HUWE1: variants seen among roughly 807,000 people sequenced by gnomAD.
HUWE1 encodes the protein HECT, UBA and WWE domain containing E3 ubiquitin protein ligase 1.
In HUWE1, 18 loss-of-function variants were observed where a neutral mutation model predicts 299.4. The observed-to-expected ratio is 0.06, with a 90% confidence interval of 0.04 to 0.09. HUWE1 has a LOEUF of 0.09. HUWE1 is among the 10% of genes least tolerant of loss of function. The pLI, the probability that HUWE1 is intolerant of heterozygous loss-of-function variation, is 1.00. For missense variants in HUWE1, 1,832 were observed against 3,462.3 expected, an observed-to-expected ratio of 0.53 and a Z score of 11.82; for synonymous variants, 1,317 against 1,286.1, an observed-to-expected ratio of 1.02 and a Z score of -0.51.
chrX:53,636,902 G>T (rs967778611), intron 7 of HUWE1, among the ~76,000 whole-genome samples: 13 of 112,180 alleles, frequency 1.2e-4, no homozygotes, highest in Non-Finnish European at 1.3e-4. Context: ...CAGACAGAAG[G>T]TATAAAATCA....
chrX:53,558,555 G>T, intron 59 of HUWE1, 100 bp downstream of exon 59: 1 of 864,163 alleles, frequency 1.2e-6, no homozygotes, highest in East Asian at 3.1e-5. Flanking sequence ...CAACGTGAAC[G>T]TTCTAGGATT....
intron 66 of HUWE1, 91 bp from the exon 67 acceptor site, chrX:53,549,596 T>C (rs1328559754): frequency 2.5e-6 from 2 of 793,200 alleles, no homozygotes; most frequent in African/African-American, 4.1e-5. Flanking sequence ...GAGCTAGGTA[T>C]CTCCAAGGAG....
chrX:53,579,014 C>A (rs868940308), intron 43 of HUWE1, among the ~76,000 whole-genome samples: 1 of 61,004 alleles, frequency 1.6e-5, no homozygotes, highest in Non-Finnish European at 3.0e-5. Context: ...CCAGCCGCCC[C>A]GTCCGGGAGG....
At chrX:53,558,406 C>T (rs1175785169) in intron 59 of HUWE1, among the ~76,000 whole-genome samples, 2 of 112,029 alleles carry the variant, frequency 1.8e-5, no homozygotes, top group Non-Finnish European at 3.8e-5. Flanking sequence ...TGCAGTGTGA[C>T]TGTTGAGTGA....
intron 74 of HUWE1, 37 bp from the exon 75 acceptor site, chrX:53,539,849 A>C: frequency 1.0e-5 from 12 of 1,174,064 alleles, no homozygotes; most frequent in Non-Finnish European, 1.4e-5. Flanking sequence ...AAAGTCTTCA[A>C]AATTTCCCTT....
chrX:53,650,878 A>T (rs2149319100), intron 4 of HUWE1, among the ~76,000 whole-genome samples: 2 of 111,847 alleles, frequency 1.8e-5, no homozygotes, highest in Admixed American at 1.9e-4. Context: ...GCTAGTAACT[A>T]GGAAATAAGA....
At chrX:53,639,721 T>C (rs1371341010) in intron 7 of HUWE1, among the ~76,000 whole-genome samples, 3 of 112,361 alleles carry the variant, frequency 2.7e-5, no homozygotes, top group African/African-American at 9.7e-5. Context: ...AAATAATGCA[T>C]GTGTAACATT....
At chrX:53,573,599 C>T in intron 47 of HUWE1, 151 bp downstream of exon 47, 1 of 511,390 alleles carries the variant, frequency 2.0e-6, no homozygotes, top group East Asian at 3.6e-5. Context: ...TGAGCCACCG[C>T]ACCCGGCCTT....
intron 3 of HUWE1, among the ~76,000 whole-genome samples, chrX:53,669,262 A>T (rs2069399374): frequency 8.9e-6 from 1 of 112,475 alleles, no homozygotes; most frequent in Admixed American, 9.4e-5. Flanking sequence ...CCCAACATAT[A>T]GAAAAAAATG....
intron 31 of HUWE1, among the ~76,000 whole-genome samples, chrX:53,594,298 T>A (rs181176893): frequency 3.6e-5 from 4 of 111,708 alleles, no homozygotes; most frequent in African/African-American, 1.3e-4. Context: ...AACACAACTC[T>A]AGGGGAGGCT....
intron 3 of HUWE1, among the ~76,000 whole-genome samples, chrX:53,655,637 A>G (rs2068708604): frequency 1.8e-5 from 2 of 111,733 alleles, no homozygotes; most frequent in Admixed American, 1.9e-4. Flanking sequence ...CTATAAGCTG[A>G]GCTATTTGTA....
intron 30 of HUWE1, among the ~76,000 whole-genome samples, 182 bp downstream of exon 30, chrX:53,595,005 T>C (rs1556983561): frequency 8.9e-6 from 1 of 112,046 alleles, no homozygotes; most frequent in East Asian, 2.8e-4. Context: ...ACTTAAAATA[T>C]TACCCATGTT....
Position 53,543,929 on chromosome X carries a change from G to A in HUWE1, c.11291C>T (p.Ala3764Val). ...AGCCTCAGCCTCCAGCTGCCGAACAGCTGCCTGGATGCTGCTAGCTGAGCC... is the reference window on the plus strand; with the variant it reads ...AGCCTCAGCCTCCAGCTGCCGAACAACTGCCTGGATGCTGCTAGCTGAGCC... ...GLGSASSIQA[A>V]VRQLEAEADA... The change falls in exon 73 of 84, where the codon GCT becomes GTT. Residue 3764 changes from alanine (A) to valine (V), a missense_variant. Around this residue, in one of 15 missense-constraint regions of HUWE1, gnomAD observed 41 missense variants for 124.0 expected, o/e 0.33. Transcript: ENST00000262854. 1 of 1,209,088 alleles carries A rather than the reference G, an allele frequency of 8.3e-7. No homozygotes were observed.
At chrX:53,659,621 CAT>C (rs782538006) in intron 3 of HUWE1, among the ~76,000 whole-genome samples, 3 of 111,849 alleles carry the variant, frequency 2.7e-5, no homozygotes, top group African/African-American at 6.5e-5. Context: ...ATGGTGGACA[CAT>C]GTTATTATGT....
At chrX:53,664,109 G>A (rs782542750) in intron 3 of HUWE1, among the ~76,000 whole-genome samples, 3 of 110,793 alleles carry the variant, frequency 2.7e-5, no homozygotes, top group Non-Finnish European at 5.7e-5. Flanking sequence ...GGAGTGCAGC[G>A]GCATGATCTT....
chrX:53,593,345 T>C lies in HUWE1; in HGVS notation c.3741+19A>G, dbSNP rs188449092. 100 of 1,063,070 alleles carry C rather than the reference T, an allele frequency of 9.4e-5. No individual in the cohort carries two copies. The African/African-American group carries it at 1.3e-3, about 14-fold the overall frequency. The allele number at this position is 1,063,070 out of a possible 1,213,427, so 87.6% of individuals were successfully genotyped here. On this transcript the variant is annotated intron_variant, in intron 32 of 83. Transcript: ENST00000262854. ...TAGCATGAGAAATTCCTTTTGATTT[T>C]AGAATACTGAATACTCACTTTCTGA... is the stretch of plus-strand genomic sequence containing the variant.
rs782333997 is a variant in HUWE1, at chrX:53,575,194, A to G, written c.6058T>C (p.Ser2020Pro). Residue 2020 changes from serine to proline, a missense_variant, in exon 46 of 84, where the codon TCC becomes CCC. Physicochemically the swap from Ser to Pro is moderately conservative, Grantham distance 74. Around this residue, in one of 15 missense-constraint regions of HUWE1, gnomAD observed 157 missense variants for 252.3 expected, o/e 0.62. Coordinates refer to ENST00000262854, the MANE Select transcript of HUWE1 (RefSeq NM_031407.7). ...NSQVFAADGA[S>P]TETSASGTSQ... ...GTCCCAGATGCGGAAGTCTCAGTGG[A>G]GGCACCATCTGCAGCAAAGACCTGA... is the stretch of plus-strand genomic sequence containing the variant. The G allele has an allele frequency of 8.3e-7, 1 of 1,206,486 alleles. No individual in the cohort carries two copies. The highest frequency in any genetic ancestry group is 3.0e-5 in the East Asian group (1 of 33,846).
intron 15 of HUWE1, among the ~76,000 whole-genome samples, chrX:53,628,235 A>T (rs782220584): frequency 4.5e-5 from 5 of 111,327 alleles, no homozygotes; most frequent in African/African-American, 1.3e-4. Flanking sequence ...AACATGTGGC[A>T]ATGTTTTAAC....
intron 20 of HUWE1, 90 bp downstream of exon 20, chrX:53,617,250 C>A (rs962552945): frequency 9.2e-6 from 9 of 974,186 alleles, no homozygotes; most frequent in South Asian, 4.1e-5. Flanking sequence ...TTTTGACAAC[C>A]AGGTCCCAAT....
Sources: gnomAD v4.1 joint callset for allele counts (sites outside exome capture counted in the v4.1 genomes callset) on GRCh38, gnomAD v4.1.1 for gene constraint, gnomAD v4.1.1 regional missense constraint, MANE v1.5 for transcripts, NCBI Gene and HGNC (gene_info 2026-07-23, HGNC 2026-07-21) for gene names.